Variants in CD1B observed in about 807,000 individuals in gnomAD.
CD1B encodes T-cell surface glycoprotein CD1b.
A neutral mutation model predicts 39.8 loss-of-function variants in CD1B; 43 were observed. The ratio of observed to expected loss-of-function variants is 1.08; its 90% CI spans 0.85 to 1.39. The LOEUF (loss-of-function observed/expected upper bound fraction) is 1.39. Ranked by LOEUF, CD1B falls within the 40% of genes most tolerant of loss-of-function variation. CD1B has a pLI of 0.00. For synonymous variants in CD1B, 192 were observed against 152.5 expected (o/e 1.26, Z -1.91); for missense variants, 495 against 403.8 (o/e 1.23, Z -1.94).
At chr1:158,326,037 T>A (rs1652340276), downstream of CD1B, among the ~76,000 whole-genome samples, 2 of 152,218 alleles carry the variant, frequency 1.3e-5, no homozygotes, top group Middle Eastern at 3.2e-3. Flanking sequence ...TGGCGCGATC[T>A]CGGCTCACTG....
At chr1:158,290,140 G>C in the CD1B span, 3 of 1,612,138 alleles carry the variant, frequency 1.9e-6, no homozygotes, top group Admixed American at 3.3e-5. Context: ...GAACATCGCT[G>C]TCAGCTGCAA....
chr1:158,292,004 C>T, the CD1B span: 2 of 1,412,260 alleles, frequency 1.4e-6, no homozygotes, highest in African/African-American at 1.4e-5. Context: ...TGCTTCACTT[C>T]CTGATACAGC....
At chr1:158,292,464 C>T in the CD1B span, 1 of 1,489,774 alleles carries the variant, frequency 6.7e-7, no homozygotes, top group African/African-American at 1.4e-5. Flanking sequence ...GGACAAGAAG[C>T]AGGGGGGTTG....
At position 158,329,362 on chromosome 1, in the gene CD1B, T is replaced by C. The variant is rs1246165759; in HGVS notation, c.886+8A>G. Reference sequence around the variant, plus strand: ...GCATTTCCAGCCTGGGTCCCTGCTATTTCTTACTCCAGTAGAGGATGATGT... The same window carrying C: ...GCATTTCCAGCCTGGGTCCCTGCTACTTCTTACTCCAGTAGAGGATGATGT... On this transcript the variant is annotated splice_region_variant and intron_variant, in intron 4 of 5. Coordinates refer to ENST00000368168, the MANE Select transcript of CD1B (RefSeq NM_001764.3). 8 of 1,607,818 alleles carry C rather than the reference T, an allele frequency of 5.0e-6. No homozygotes were observed. The African/African-American group carries it at 9.4e-5, about 19-fold the overall frequency.
Position 158,329,920 on chromosome 1 carries a change from A to G in CD1B, c.539T>C (p.Leu180Pro), listed in dbSNP as rs752154731. Residue 180 changes from leucine (L) to proline (P), a missense_variant, in exon 3 of 6, where the codon CTC becomes CCC. By Grantham distance (98) the Leu-to-Pro change is moderately conservative (BLOSUM62 -3). Transcript: ENST00000368168. ...QGIMETVRIL[L>P]YETCPRYLLG... ...GAGATATCGGGGGCAGGTTTCATAG[A>G]GGAGAATTCTCACAGTTTCCATGAT... is the stretch of plus-strand genomic sequence containing the variant. 1.2e-6 allele frequency: 2 copies of G among 1,614,138 alleles called. No homozygotes were observed. Among genetic ancestry groups the G allele is most frequent in the East Asian group, 4.5e-5 (2 of 44,878 alleles).
chr1:158,324,874 T>A (rs985165888), downstream of CD1B, among the ~76,000 whole-genome samples: 1 of 152,096 alleles, frequency 6.6e-6, no homozygotes, highest in East Asian at 1.9e-4. Flanking sequence ...TCAGGAAGAA[T>A]TGACTTGAAA....
chr1:158,302,229 TTGTTCTAACAAATGAAAACAAAGA>T, the CD1B span, among the ~76,000 whole-genome samples: 1 of 152,192 alleles, frequency 6.6e-6, no homozygotes. Flanking sequence ...AATCAGGAAA[TTGTTCTAACAAATGAAAACAAAGA>T]TACTACATGC....
chr1:158,311,869 A>G, the CD1B span, among the ~76,000 whole-genome samples: 1 of 152,114 alleles, frequency 6.6e-6, no homozygotes, highest in African/African-American at 2.4e-5. Flanking sequence ...CTGTTTTTAT[A>G]CCAGTACCAT....
chr1:158,293,532 G>C, the CD1B span: 30 of 1,613,718 alleles, frequency 1.9e-5, no homozygotes, highest in Non-Finnish European at 2.4e-5. Flanking sequence ...CAGGAGCCTA[G>C]TACAATATAG....
the CD1B span, among the ~76,000 whole-genome samples, chr1:158,307,229 T>A: frequency 2.5e-4 from 38 of 151,874 alleles, no homozygotes; most frequent in African/African-American, 7.7e-4. Flanking sequence ...ATAGACGCAA[T>A]AAAAGATGAT....
At chr1:158,318,752 C>G in the CD1B span, among the ~76,000 whole-genome samples, 2 of 152,066 alleles carry the variant, frequency 1.3e-5, no homozygotes, top group African/African-American at 4.8e-5. Context: ...CAGTTTCTTC[C>G]TAGTCTTGAT....
At chr1:158,316,765 G>A in the CD1B span, among the ~76,000 whole-genome samples, 2 of 151,596 alleles carry the variant, frequency 1.3e-5, 1 homozygote, top group African/African-American at 4.9e-5. Flanking sequence ...TCCAGTTTTT[G>A]CCCATTCAGT....
chr1:158,294,242 C>T, the CD1B span, among the ~76,000 whole-genome samples: 8 of 152,154 alleles, frequency 5.3e-5, no homozygotes, highest in South Asian at 2.1e-4. Context: ...TCAAGGCAAC[C>T]GTTGTGCTGT....
At chr1:158,322,062 C>A in the CD1B span, among the ~76,000 whole-genome samples, 1 of 152,148 alleles carries the variant, frequency 6.6e-6, no homozygotes, top group South Asian at 2.1e-4. Context: ...CCTTTCTTCT[C>A]AAGTATTTTG....
chr1:158,299,140 G>A, the CD1B span, among the ~76,000 whole-genome samples: 1 of 152,122 alleles, frequency 6.6e-6, no homozygotes, highest in Non-Finnish European at 1.5e-5. Flanking sequence ...GTATGATATT[G>A]GCTGTGGGTT....
the CD1B span, among the ~76,000 whole-genome samples, chr1:158,309,911 A>G: frequency 1.3e-5 from 2 of 152,030 alleles, no homozygotes; most frequent in African/African-American, 2.4e-5. Flanking sequence ...CAGCACAACA[A>G]CATGGCACAT....
the CD1B span, among the ~76,000 whole-genome samples, chr1:158,312,890 T>C: frequency 1.3e-4 from 20 of 152,340 alleles, no homozygotes; most frequent in African/African-American, 4.6e-4. Context: ...CAATGTTGAC[T>C]AGAAGTAGTG....
chr1:158,330,779 C>G lies in CD1B; in HGVS notation c.328+17G>C. ...AGAGTCCTTGAGACTCTTCCCAGTT[C>G]GGTGGACTAGACTCACATTTCATCT... On this transcript the variant is annotated intron_variant, in intron 2 of 5. Transcript: ENST00000368168. 1 of 1,613,240 alleles carries G rather than the reference C, an allele frequency of 6.2e-7. No homozygotes were observed. Among genetic ancestry groups the G allele is most frequent in the Non-Finnish European group, 8.5e-7 (1 of 1,179,298 alleles).
At chr1:158,296,008 C>G in the CD1B span, among the ~76,000 whole-genome samples, 1 of 152,164 alleles carries the variant, frequency 6.6e-6, no homozygotes, top group African/African-American at 2.4e-5. Context: ...TGCCACACTA[C>G]CATCCCTGGT....
Sources: allele counts gnomAD v4.1 joint callset (sites outside exome capture counted in the v4.1 genomes callset), GRCh38; gene constraint gnomAD v4.1.1; transcripts MANE v1.5; gene names NCBI Gene and HGNC (gene_info 2026-07-23, HGNC 2026-07-21).